KCNH8: variants seen among roughly 807,000 people sequenced by gnomAD.
KCNH8 encodes the protein voltage-gated delayed rectifier potassium channel KCNH8.
In KCNH8, 70 loss-of-function variants were observed where a neutral mutation model predicts 103.6. The observed-to-expected ratio is 0.68, with a 90% CI of 0.56 to 0.82. The LOEUF (loss-of-function observed/expected upper bound fraction) is 0.82, where lower values mean the gene tolerates loss of function less well. Ranked by LOEUF, KCNH8 falls within the 40% of genes least tolerant of loss-of-function variation. The probability of loss-of-function intolerance (pLI) is 0.00; values close to 1 mark genes in which losing one functional copy is unlikely to be tolerated. For synonymous variants in KCNH8, 498 were observed against 489.4 expected, an observed-to-expected ratio of 1.02 and a Z score of -0.23; for missense variants, 1,217 against 1,329.9, an observed-to-expected ratio of 0.92 and a Z score of 1.32.
chr3:19,148,766 A>G lies in KCNH8; in HGVS notation c.47A>G (p.Asp16Gly), dbSNP rs537893195. 2 of 1,614,178 alleles carry G rather than the reference A, an allele frequency of 1.2e-6. No homozygotes were observed. Among genetic ancestry groups the G allele is most frequent in the East Asian group, 4.5e-5 (2 of 44,878 alleles). Reference sequence around the variant, plus strand: ...CTGGCGCCGCAAAACACCTTCCTGGACACCATCGCCACCCGTTTTGACGGA... The same window carrying G: ...CTGGCGCCGCAAAACACCTTCCTGGGCACCATCGCCACCCGTTTTGACGGA... ...GLLAPQNTFLDTIATRFDGTH... is the reference protein window; with the variant it reads ...GLLAPQNTFLGTIATRFDGTH... The change falls in exon 1 of 16, where the codon GAC becomes GGC. Residue 16 changes from aspartate (D) to glycine (G), a missense_variant. By Grantham distance (94) the Asp-to-Gly change is moderately conservative (BLOSUM62 -1). Transcript: ENST00000328405.
At chr3:19,204,764 A>C (rs1242504577) in intron 1 of KCNH8, among the ~76,000 whole-genome samples, 1 of 152,110 alleles carries the variant, frequency 6.6e-6, no homozygotes, top group East Asian at 1.9e-4. Flanking sequence ...GCAACTCCCC[A>C]GTCAGGGTAT....
At position 19,309,317 on chromosome 3, in the gene KCNH8, G is replaced by A. The variant is rs141419785; in HGVS notation, c.442+27988G>A. ...TTCCATTTTATGCAAGTTACCAAGGGATGGAGAAGAACTGCCTGAATATCA... is the reference window on the plus strand; with the variant it reads ...TTCCATTTTATGCAAGTTACCAAGGAATGGAGAAGAACTGCCTGAATATCA... On this transcript the variant is annotated intron_variant, in intron 3 of 15. Transcript: ENST00000328405. 1.5e-3 allele frequency among the ~76,000 whole-genome samples: 231 copies of A among 152,042 alleles called. 1 individual carries two copies. Among genetic ancestry groups the A allele is most frequent in the African/African-American group, 4.7e-3 (197 of 41,528 alleles).
chr3:19,362,289 T>A (rs1299414287), intron 5 of KCNH8, among the ~76,000 whole-genome samples: 2 of 152,244 alleles, frequency 1.3e-5, no homozygotes, highest in African/African-American at 4.8e-5. Flanking sequence ...ATAGCTTTTT[T>A]AAAAATGTGT....
intron 2 of KCNH8, among the ~76,000 whole-genome samples, chr3:19,280,550 TTA>T (rs1248056957): frequency 1.3e-5 from 2 of 152,142 alleles, no homozygotes; most frequent in Middle Eastern, 3.2e-3. Flanking sequence ...TTTACTTACA[TTA>T]TATTAGTGAT....
chr3:19,188,094 T>A lies in KCNH8; in HGVS notation c.76+39299T>A, dbSNP rs1431938097. ...ATGTTTTTTGTTAATAAAGTTTTCCTGGAAAATAGCCCTACTCATTTGTTT... is the reference window on the plus strand; with the variant it reads ...ATGTTTTTTGTTAATAAAGTTTTCCAGGAAAATAGCCCTACTCATTTGTTT... On this transcript the variant is annotated intron_variant, in intron 1 of 15. Transcript: ENST00000328405. 3.9e-5 allele frequency among the ~76,000 whole-genome samples: 6 copies of A among 152,104 alleles called. No individual in the cohort carries two copies. The East Asian group carries it at 9.7e-4, about 24-fold the overall frequency.
intron 5 of KCNH8, among the ~76,000 whole-genome samples, chr3:19,349,427 C>G (rs1302090442): frequency 6.6e-6 from 1 of 152,114 alleles, no homozygotes; most frequent in Admixed American, 6.6e-5. Flanking sequence ...TCAAAGTTCT[C>G]AAGAACTTGG....
chr3:19,275,231 C>CAACTCAAT (rs2064651282), intron 2 of KCNH8, among the ~76,000 whole-genome samples: 1 of 151,822 alleles, frequency 6.6e-6, no homozygotes. Flanking sequence ...AGTGTTTTTT[C>CAACTCAAT]AACTCAATAT....
chr3:19,312,122 A>G (rs1256430292), intron 3 of KCNH8, among the ~76,000 whole-genome samples: 1 of 151,972 alleles, frequency 6.6e-6, no homozygotes, highest in Non-Finnish European at 1.5e-5. Flanking sequence ...ATTCATGCCA[A>G]GTATACTGCA....
chr3:19,388,160 C>T (rs1265098753), intron 5 of KCNH8, among the ~76,000 whole-genome samples: 1 of 152,020 alleles, frequency 6.6e-6, no homozygotes, highest in Admixed American at 6.6e-5. Context: ...AATTTATCCC[C>T]TTTAATTTTA....
intron 1 of KCNH8, among the ~76,000 whole-genome samples, chr3:19,245,656 T>A (rs905310367): frequency 2.0e-5 from 3 of 152,188 alleles, no homozygotes; most frequent in African/African-American, 4.8e-5. Flanking sequence ...AGATTTTTTT[T>A]AACTCTTTAG....
At chr3:19,180,242 GGGCCAAGACAGACTTGGCCCTTCAAA>G (rs1458707388) in intron 1 of KCNH8, among the ~76,000 whole-genome samples, 3 of 7,664 alleles carry the variant, frequency 3.9e-4, no homozygotes, top group African/African-American at 1.1e-3. Flanking sequence ...TTTGTTCAAA[GGGCCAAGACAGACTTGGCCCTTCAAA>G]GGGCCAAGAC....
chr3:19,158,547 C>T (rs1037243106), intron 1 of KCNH8, among the ~76,000 whole-genome samples: 2 of 151,774 alleles, frequency 1.3e-5, no homozygotes, highest in African/African-American at 4.8e-5. Flanking sequence ...GTTGAACATT[C>T]ATATTCAAAA....
In KCNH8 at chr3:19,352,216, C is replaced by T. The variant is rs545047501; in HGVS notation, c.811+4251C>T. ...AACATATATGCACACAATACATGAG[C>T]ATCCAGATTCACAAAGCAAGTCCTT... On this transcript the variant is annotated intron_variant, in intron 5 of 15. Transcript: ENST00000328405. 3.3e-5 allele frequency among the ~76,000 whole-genome samples: 5 copies of T among 151,858 alleles called. No homozygotes were observed. In the South Asian group the frequency reaches 1.0e-3, roughly 31 times the overall value.
intron 2 of KCNH8, among the ~76,000 whole-genome samples, chr3:19,258,066 G>A (rs183707418): frequency 1.3e-5 from 2 of 152,034 alleles, no homozygotes; most frequent in South Asian, 2.1e-4. Context: ...ATTGGATTTG[G>A]TCCTACTCTA....
chr3:19,469,669 T>C (rs1258742098), intron 11 of KCNH8, among the ~76,000 whole-genome samples: 1 of 152,128 alleles, frequency 6.6e-6, no homozygotes, highest in African/African-American at 2.4e-5. Flanking sequence ...GTGGCAAACA[T>C]AGTATCTTGA....
At chr3:19,417,228 G>GTGTA (rs1553594973) in intron 7 of KCNH8, among the ~76,000 whole-genome samples, 7 of 147,736 alleles carry the variant, frequency 4.7e-5, no homozygotes, top group African/African-American at 1.7e-4. Context: ...ATATGTGTGT[G>GTGTA]TATATATATA....
chr3:19,377,498 T>A (rs2066226497), intron 5 of KCNH8, among the ~76,000 whole-genome samples: 1 of 152,240 alleles, frequency 6.6e-6, no homozygotes, highest in Admixed American at 6.5e-5. Flanking sequence ...AAGAATCATC[T>A]GGTTTTTCCT....
rs200575109 is a variant in KCNH8 at position 19,170,773 on chromosome 3, TAC to T, written c.76+21994_76+21995del. ...ACACATATATATACACACATATATA[TAC>T]ACACACACACACACATATATATATA... On this transcript the variant is annotated intron_variant, in intron 1 of 15. Coordinates refer to ENST00000328405, the MANE Select transcript of KCNH8 (RefSeq NM_144633.3). Among the ~76,000 whole-genome samples the T allele has an allele frequency of 1.6e-3, 211 of 134,562 alleles. 7 individuals are homozygous for T. The highest frequency in any genetic ancestry group is 5.4e-3 in the South Asian group (24 of 4,478). The allele number at this position is 134,562 out of a possible 152,430, so 88.3% of individuals were successfully genotyped here.
At chr3:19,317,446 A>T (rs1266503793) in intron 3 of KCNH8, among the ~76,000 whole-genome samples, 1 of 151,918 alleles carries the variant, frequency 6.6e-6, no homozygotes, top group Non-Finnish European at 1.5e-5. Context: ...AAAATGCTTT[A>T]GAACTGGGCA....
Sources: allele counts gnomAD v4.1 joint callset (sites outside exome capture counted in the v4.1 genomes callset), GRCh38; gene constraint gnomAD v4.1.1; transcripts MANE v1.5; gene names NCBI Gene and HGNC (gene_info 2026-07-23, HGNC 2026-07-21).